EMC7: variants seen among roughly 807,000 people sequenced by gnomAD.
The protein encoded by EMC7 is ER membrane protein complex subunit 7.
Under a neutral mutation model 24.4 loss-of-function variants are expected in EMC7, and 4 were observed. The observed-to-expected ratio is 0.16, with a 90% CI of 0.08 to 0.38. The LOEUF is 0.38. Among genes scored for constraint, EMC7 ranks in the 10% least tolerant of loss-of-function variants. The pLI, the probability that EMC7 is intolerant of heterozygous loss-of-function variation, is 1.00. For missense variants in EMC7, 221 were observed against 300.6 expected, an observed-to-expected ratio of 0.74 and a Z score of 1.96; for synonymous variants, 106 against 112.0, an observed-to-expected ratio of 0.95 and a Z score of 0.34.
At position 34,101,711 on chromosome 15, in the gene EMC7, A is replaced by G; in HGVS notation, c.129T>C (p.Asp43=). 1 of 1,611,788 alleles carries G rather than the reference A, an allele frequency of 6.2e-7. No homozygotes were observed. The highest frequency in any genetic ancestry group is 8.5e-7 in the Non-Finnish European group (1 of 1,179,480). The change falls in exon 1 of 5, where the codon GAT becomes GAC. Residue 43 remains aspartate (D), a synonymous_variant. Coordinates refer to ENST00000256545, the MANE Select transcript of EMC7 (RefSeq NM_020154.3). The part of the protein sequence containing the change: ...GSGGSGVGIG[D]RFKIEGRAVV... Reference sequence around the variant, plus strand: ...CTGCACGCCCCTCAATCTTGAAGCGATCTCCTATGCCGACCCCACTCCCTC... The same window carrying G: ...CTGCACGCCCCTCAATCTTGAAGCGGTCTCCTATGCCGACCCCACTCCCTC...
At chr15:34,088,237 G>C in intron 3 of EMC7, 104 bp from the exon 4 acceptor site, 1 of 975,070 alleles carries the variant, frequency 1.0e-6, no homozygotes, top group Non-Finnish European at 1.5e-6. Flanking sequence ...TTTAAACGTT[G>C]TCTATACAAT....
At chr15:34,099,755 A>G (rs1021014379) in intron 1 of EMC7, among the ~76,000 whole-genome samples, 5 of 152,056 alleles carry the variant, frequency 3.3e-5, no homozygotes, top group African/African-American at 1.2e-4. Flanking sequence ...ACAGGTGCAC[A>G]CCACCACTCC....
intron 3 of EMC7, among the ~76,000 whole-genome samples, chr15:34,088,450 A>G (rs1900924625): frequency 6.8e-6 from 1 of 147,788 alleles, no homozygotes; most frequent in African/African-American, 2.5e-5. Flanking sequence ...ATAGTTTGCA[A>G]ATGGAACTAT....
chr15:34,101,486 C>A, intron 1 of EMC7, 118 bp downstream of exon 1: 2 of 1,066,944 alleles, frequency 1.9e-6, no homozygotes, highest in East Asian at 4.9e-5. Flanking sequence ...CCGTTAGCGG[C>A]ACCCTCCCCT....
rs561298444 is a variant in EMC7 at position 34,099,629 on chromosome 15, G to T, written c.236+1975C>A. On this transcript the variant is annotated intron_variant, in intron 1 of 4. Coordinates refer to ENST00000256545, the MANE Select transcript of EMC7 (RefSeq NM_020154.3). ...AATGTTTCTTTTTTTCCTGAGAGAC[G>T]GGGTTTTGCTCTGTAGCCCAGGCTG... is the stretch of plus-strand genomic sequence containing the variant. Among the ~76,000 whole-genome samples the T allele has an allele frequency of 1.3e-3, 202 of 150,610 alleles. 1 individual carries two copies. The highest frequency in any genetic ancestry group is 4.9e-3 in the African/African-American group (195 of 40,098).
chr15:34,094,819 C>T (rs1256403677), intron 2 of EMC7, among the ~76,000 whole-genome samples: 1 of 152,134 alleles, frequency 6.6e-6, no homozygotes, highest in Non-Finnish European at 1.5e-5. Context: ...GATGTCAAAT[C>T]CACCAATGGA....
At chr15:34,090,036 C>T (rs1456650764) in intron 3 of EMC7, among the ~76,000 whole-genome samples, 20 of 152,192 alleles carry the variant, frequency 1.3e-4, no homozygotes. Context: ...GACTGACTTA[C>T]TGAGTATTCT....
At chr15:34,098,720 C>T (rs958878947) in intron 1 of EMC7, among the ~76,000 whole-genome samples, 4 of 150,518 alleles carry the variant, frequency 2.7e-5, no homozygotes, top group African/African-American at 9.8e-5. Flanking sequence ...CCGCCTGCCT[C>T]GGCCTCCCAA....
Position 34,095,885 on chromosome 15 carries a change from G to A in EMC7, c.356+10C>T, listed in dbSNP as rs185807730. The A allele has an allele frequency of 1.2e-3, 1,985 of 1,590,874 alleles. 4 individuals carry two copies. The highest frequency in any genetic ancestry group is 1.6e-3 in the Non-Finnish European group (1,804 of 1,163,642). ...TAGCTTTTGGCAAAAATTAAATCAG[G>A]TGCCCTCACCTCATTTTTCCTTTCG... is the stretch of plus-strand genomic sequence containing the variant. On this transcript the variant is annotated intron_variant, in intron 2 of 4. Coordinates refer to ENST00000256545, the MANE Select transcript of EMC7 (RefSeq NM_020154.3).
intron 4 of EMC7, among the ~76,000 whole-genome samples, chr15:34,087,512 T>G (rs75245134): frequency 6.6e-6 from 1 of 152,206 alleles, no homozygotes; most frequent in Non-Finnish European, 1.5e-5. Flanking sequence ...AAACTGAGTA[T>G]GTACTCTGAA....
At chr15:34,085,440 T>C (rs983862536) in intron 4 of EMC7, among the ~76,000 whole-genome samples, 6 of 152,188 alleles carry the variant, frequency 3.9e-5, no homozygotes, top group African/African-American at 1.2e-4. Context: ...AGTTCATTCA[T>C]ACATGAAAAA....
In EMC7 at chr15:34,101,784, C is replaced by G. The variant is rs1417509901; in HGVS notation, c.56G>C (p.Gly19Ala). ...FPVLLLLLLS[G>A]DVQSSEVPGA... ...GGGCACCTCCGAGCTCTGGACATCC[C>G]CCGATAGCAGCAGCAGCAGCAGGAC... The change falls in exon 1 of 5, where the codon GGG (glycine) becomes GCG (alanine). Residue 19 changes from glycine (G) to alanine (A), a missense_variant. Gly to Ala is a moderately conservative substitution (Grantham distance 60). Around this residue, in one of 2 missense-constraint regions of EMC7, gnomAD observed 156 missense variants for 177.1 expected, o/e 0.88. Transcript: ENST00000256545. The G allele has an allele frequency of 1.2e-6, 2 of 1,613,316 alleles. No individual in the cohort carries two copies. The highest frequency in any genetic ancestry group is 1.7e-6 in the Non-Finnish European group (2 of 1,179,970).
rs1901059448 is a variant in EMC7 at position 34,095,991 on chromosome 15, T to G, written c.260A>C (p.His87Pro). The change falls in exon 2 of 5, where the codon CAT becomes CCT. Residue 87 changes from histidine (H) to proline (P), a missense_variant. By Grantham distance (77) the His-to-Pro change is moderately conservative. This residue lies in a region of EMC7 where 156 missense variants were observed against 177.1 expected (regional missense o/e 0.88). Coordinates refer to ENST00000256545, the MANE Select transcript of EMC7 (RefSeq NM_020154.3). ...TACATAAGATCCAGAAGGTATATCA[T>G]GAACCACAAAACTCCCATCTGTCCT... The part of the protein sequence containing the change: ...FLKTDGSFVV[H>P]DIPSGSYVVE... 6.3e-7 allele frequency: 1 copy of G among 1,585,284 alleles called. No individual in the cohort carries two copies. Among genetic ancestry groups the G allele is most frequent in the Non-Finnish European group, 8.6e-7 (1 of 1,160,242 alleles).
chr15:34,095,473 C>T (rs902435761), intron 2 of EMC7, among the ~76,000 whole-genome samples: 9 of 152,066 alleles, frequency 5.9e-5, no homozygotes, highest in African/African-American at 2.2e-4. Flanking sequence ...GAAAGGACCA[C>T]AGAAATTTCC....
At chr15:34,100,963 C>A (rs191680076) in intron 1 of EMC7, 1 of 151,906 alleles carries the variant, frequency 6.6e-6, no homozygotes, top group Admixed American at 6.6e-5. Flanking sequence ...GTAGAGGAAC[C>A]CTAGTCTCAC....
chr15:34,091,835 G>T (rs11072933), intron 2 of EMC7, among the ~76,000 whole-genome samples: 150,621 of 152,324 alleles, frequency 0.99, 74,491 homozygotes, highest in Middle Eastern at 1. Context: ...TTCCTTTGTT[G>T]TGGGGGGAGC....
intron 2 of EMC7, 148 bp from the exon 3 acceptor site, chr15:34,090,603 T>G (rs1417358535): frequency 2.3e-6 from 2 of 876,770 alleles, no homozygotes; most frequent in African/African-American, 3.5e-5. Flanking sequence ...ATCTTGAAAA[T>G]CTGACCAAAA....
chr15:34,096,848 G>A (rs1033962294), intron 1 of EMC7, among the ~76,000 whole-genome samples: 34 of 151,864 alleles, frequency 2.2e-4, no homozygotes, highest in African/African-American at 8.0e-4. Context: ...TTAGCCAGGC[G>A]TGGTGGCGCA....
chr15:34,098,265 C>T (rs1040405115), intron 1 of EMC7, among the ~76,000 whole-genome samples: 3 of 152,162 alleles, frequency 2.0e-5, no homozygotes, highest in African/African-American at 7.2e-5. Flanking sequence ...CTCTACTCTC[C>T]TCTTCCTTCA....
Sources: allele counts gnomAD v4.1 joint callset (sites outside exome capture counted in the v4.1 genomes callset), GRCh38; gene constraint gnomAD v4.1.1; regional missense constraint gnomAD v4.1.1; transcripts MANE v1.5; gene names NCBI Gene and HGNC (gene_info 2026-07-23, HGNC 2026-07-21).